Variants in RGS7BP observed in about 807,000 individuals in gnomAD.
RGS7BP encodes the protein regulator of G protein signaling 7-binding protein.
A neutral mutation model predicts 31.3 loss-of-function variants in RGS7BP; 9 were observed. The observed-to-expected ratio is 0.29, with a 90% CI of 0.17 to 0.50. RGS7BP has a LOEUF of 0.50. Ranked by LOEUF, RGS7BP falls within the 20% of genes least tolerant of loss-of-function variation. RGS7BP has a pLI of 0.98. For synonymous variants in RGS7BP, 115 were observed against 120.1 expected, an observed-to-expected ratio of 0.96 and a Z score of 0.28; for missense variants, 274 against 322.0, an observed-to-expected ratio of 0.85 and a Z score of 1.14.
At chr5:64,567,834 A>G (rs966419536) in intron 2 of RGS7BP, among the ~76,000 whole-genome samples, 4 of 151,944 alleles carry the variant, frequency 2.6e-5, no homozygotes, top group African/African-American at 9.7e-5. Context: ...GCATACTGCA[A>G]TGAATGACCC....
At chr5:64,547,125 T>A (rs796184562) in intron 2 of RGS7BP, among the ~76,000 whole-genome samples, 9 of 152,372 alleles carry the variant, frequency 5.9e-5, no homozygotes, top group African/African-American at 2.2e-4. Context: ...TTACAATTTA[T>A]CCATTTTTCT....
chr5:64,536,629 T>A (rs1741370422), intron 2 of RGS7BP, among the ~76,000 whole-genome samples: 1 of 152,204 alleles, frequency 6.6e-6, no homozygotes. Flanking sequence ...TTAACTGACC[T>A]TCACTTACGT....
intron 2 of RGS7BP, among the ~76,000 whole-genome samples, chr5:64,568,530 T>C (rs1742223790): frequency 6.6e-6 from 1 of 152,102 alleles, no homozygotes; most frequent in South Asian, 2.1e-4. Flanking sequence ...GTTCTTGGAG[T>C]GATACTCCTG....
rs973039196 is a variant in RGS7BP, at chr5:64,514,823, C to A, written c.332+6946C>A. Among the ~76,000 whole-genome samples, 9 of 152,236 alleles carry A rather than the reference C, an allele frequency of 5.9e-5. No homozygotes were observed. In the East Asian group the frequency reaches 1.7e-3, roughly 29 times the overall value. On this transcript the variant is annotated intron_variant, in intron 2 of 5. Coordinates refer to ENST00000334025, the MANE Select transcript of RGS7BP (RefSeq NM_001029875.3). ...CCATAAGCATACTCTGGAGCAAGGACAAGGTTCTAACTCACACCAGATTAA... is the reference window on the plus strand; with the variant it reads ...CCATAAGCATACTCTGGAGCAAGGAAAAGGTTCTAACTCACACCAGATTAA...
At chr5:64,600,001 T>G (rs939801048) in intron 5 of RGS7BP, among the ~76,000 whole-genome samples, 1 of 152,196 alleles carries the variant, frequency 6.6e-6, no homozygotes, top group African/African-American at 2.4e-5. Flanking sequence ...TATTTACAAG[T>G]TGGCCAACCC....
chr5:64,528,926 T>C (rs1340554451), intron 2 of RGS7BP, among the ~76,000 whole-genome samples: 3 of 150,074 alleles, frequency 2.0e-5, no homozygotes, highest in Admixed American at 6.7e-5. Flanking sequence ...AAGCAAAACA[T>C]AGAACACATA....
At chr5:64,525,967 G>A (rs970015460) in intron 2 of RGS7BP, among the ~76,000 whole-genome samples, 1 of 152,230 alleles carries the variant, frequency 6.6e-6, no homozygotes, top group African/African-American at 2.4e-5. Context: ...CCATAAGGGA[G>A]AAGGGAATCT....
At position 64,611,495 on chromosome 5, in the gene RGS7BP, T is replaced by C. The variant is rs1410277202; in HGVS notation, c.*2243T>C. ...TCTGTGCAATTGTCCTTTGTACAACTGAAGACTGTTAATAAATTCAGGTCT... is the reference window on the plus strand; with the variant it reads ...TCTGTGCAATTGTCCTTTGTACAACCGAAGACTGTTAATAAATTCAGGTCT... On this transcript the variant is annotated 3_prime_UTR_variant, in exon 6 of 6. Coordinates refer to ENST00000334025, the MANE Select transcript of RGS7BP (RefSeq NM_001029875.3). 6.6e-6 allele frequency: 1 copy of C among 152,286 alleles called. No individual in the cohort carries two copies. Among genetic ancestry groups the C allele is most frequent in the Non-Finnish European group, 1.5e-5 (1 of 67,868 alleles). 9.4% of individuals were successfully genotyped at this position (152,286 alleles called of 1,614,324 possible). A position where few individuals can be genotyped will look rare whatever the true frequency, so the allele number is the denominator to read the frequency against.
chr5:64,542,942 G>T (rs1413967933), intron 2 of RGS7BP, among the ~76,000 whole-genome samples: 2 of 152,114 alleles, frequency 1.3e-5, no homozygotes, highest in Admixed American at 6.6e-5. Flanking sequence ...CCCTCTTCCA[G>T]ATATTTTCTT....
chr5:64,523,944 A>G (rs1749171694), intron 2 of RGS7BP, among the ~76,000 whole-genome samples: 1 of 152,234 alleles, frequency 6.6e-6, no homozygotes, highest in African/African-American at 2.4e-5. Flanking sequence ...TAGGATCAAG[A>G]CAAATAGCCT....
At chr5:64,608,919 T>C (rs1349579589) in intron 5 of RGS7BP, among the ~76,000 whole-genome samples, 1 of 152,038 alleles carries the variant, frequency 6.6e-6, no homozygotes, top group Non-Finnish European at 1.5e-5. Context: ...GCTGGGGATA[T>C]ACTTGGTTGC....
chr5:64,532,205 G>A (rs891452886), intron 2 of RGS7BP, among the ~76,000 whole-genome samples: 3 of 152,078 alleles, frequency 2.0e-5, no homozygotes, highest in Middle Eastern at 3.2e-3. Flanking sequence ...AACTGGAGCC[G>A]TATATGGGAA....
At chr5:64,604,405 A>G (rs547524273) in intron 5 of RGS7BP, among the ~76,000 whole-genome samples, 6 of 152,198 alleles carry the variant, frequency 3.9e-5, no homozygotes, top group Non-Finnish European at 7.4e-5. Flanking sequence ...ATGAAGCCTT[A>G]TAGTTACTCA....
chr5:64,597,989 A>G (rs553711571), intron 4 of RGS7BP, among the ~76,000 whole-genome samples: 56 of 152,272 alleles, frequency 3.7e-4, no homozygotes, highest in Admixed American at 6.5e-4. Context: ...CCCAGCCTCA[A>G]GTTTGCCCTG....
At chr5:64,515,711 T>C (rs940457068) in intron 2 of RGS7BP, among the ~76,000 whole-genome samples, 93 of 148,738 alleles carry the variant, frequency 6.3e-4, no homozygotes, top group Non-Finnish European at 3.9e-4. Flanking sequence ...CCTATATGCA[T>C]ACACACACAC....
intron 3 of RGS7BP, among the ~76,000 whole-genome samples, chr5:64,590,220 T>A (rs1271036320): frequency 2.0e-5 from 3 of 151,950 alleles, no homozygotes; most frequent in African/African-American, 7.2e-5. Flanking sequence ...AGAATCTAAG[T>A]GTGAGCACCA....
chr5:64,550,696 C>T (rs1384484961), intron 2 of RGS7BP, among the ~76,000 whole-genome samples: 1 of 151,498 alleles, frequency 6.6e-6, no homozygotes, highest in South Asian at 2.1e-4. Flanking sequence ...CATCATTTAG[C>T]ATTAGGTATA....
intron 3 of RGS7BP, among the ~76,000 whole-genome samples, chr5:64,582,808 C>T (rs1742637480): frequency 6.6e-6 from 1 of 152,116 alleles, no homozygotes; most frequent in Admixed American, 6.5e-5. Context: ...GCAGTAAAAA[C>T]TCCAGTGTAT....
chr5:64,550,845 C>G (rs1273518107), intron 2 of RGS7BP, among the ~76,000 whole-genome samples: 1 of 150,428 alleles, frequency 6.6e-6, no homozygotes, highest in South Asian at 2.1e-4. Context: ...GTTTTTTGTC[C>G]TTGCGATAGT....
Sources: gnomAD v4.1 joint callset for allele counts (sites outside exome capture counted in the v4.1 genomes callset) on GRCh38, gnomAD v4.1.1 for gene constraint, MANE v1.5 for transcripts, NCBI Gene and HGNC (gene_info 2026-07-23, HGNC 2026-07-21) for gene names.